GNG8: variants seen among roughly 807,000 people sequenced by gnomAD.
GNG8 encodes guanine nucleotide-binding protein G(I)/G(S)/G(O) subunit gamma-8.
Under a neutral mutation model 4.6 loss-of-function variants are expected in GNG8, and 3 were observed. That is an observed-to-expected ratio of 0.65 (90% CI 0.29 to 1.67). The LOEUF is 1.67. Ranked by LOEUF, GNG8 falls within the 40% of genes most tolerant of loss-of-function variation. GNG8 has a pLI of 0.10. For missense variants in GNG8, 88 were observed against 95.2 expected, an observed-to-expected ratio of 0.92 and a Z score of 0.32; for synonymous variants, 32 against 40.5, an observed-to-expected ratio of 0.79 and a Z score of 0.80.
chr19:46,637,394 TCA>T (rs2052875729), upstream of GNG8: 1 of 152,544 alleles, frequency 6.6e-6, no homozygotes, highest in African/African-American at 2.4e-5. Flanking sequence ...GCTCAGTGTC[TCA>T]CAGAGTCCCA....
upstream of GNG8, chr19:46,638,706 G>T (rs1221687272): frequency 6.6e-6 from 1 of 152,638 alleles, no homozygotes. This position sits in a 1 kb window ranked among gnomAD's most constrained non-coding sequence, Gnocchi z 4.7. Context: ...GCGCTCACAC[G>T]CAGCGTCTGC....
At position 46,634,262 on chromosome 19, in the gene GNG8, T is replaced by G; in HGVS notation, c.85-58A>C. On this transcript the variant is annotated intron_variant, in intron 2 of 2. Coordinates refer to ENST00000693335, the MANE Select transcript of GNG8 (RefSeq NM_033258.2). ...TGCCCGGCTCCTTGGAGCCGCCCAC[T>G]TAGGCCCCGCCTCTTGCCCTGTCCC... 7 of 1,539,950 alleles carry G rather than the reference T, an allele frequency of 4.5e-6. No homozygotes were observed. The South Asian group carries it at 7.3e-5, about 16-fold the overall frequency.
At chr19:46,634,512 G>A (rs1267712781) in intron 2 of GNG8, 87 bp downstream of exon 2, 7 of 1,230,110 alleles carry the variant, frequency 5.7e-6, no homozygotes, top group Non-Finnish European at 8.1e-6. Context: ...GGGCATCCTT[G>A]CACTATGGCT....
chr19:46,634,231 C>T (rs751145869), intron 2 of GNG8, 27 bp from the exon 3 acceptor site: 1 of 1,591,508 alleles, frequency 6.3e-7, no homozygotes, highest in Non-Finnish European at 8.6e-7. Context: ...GGAGATGTCA[C>T]CGCCCTGCCC....
chr19:46,638,070 C>T (rs2122403024), upstream of GNG8: 1 of 153,184 alleles, frequency 6.5e-6, no homozygotes. This position sits in a 1 kb window ranked among gnomAD's most constrained non-coding sequence, Gnocchi z 4.7. Flanking sequence ...GTGTGACACA[C>T]ACAGCACCGT....
chr19:46,636,884 T>G (rs1239851688), upstream of GNG8: 1 of 149,842 alleles, frequency 6.7e-6, no homozygotes, highest in Non-Finnish European at 1.5e-5. Flanking sequence ...CTCCGCCTCC[T>G]GGGTTCAAGC....
Position 46,634,658 on chromosome 19 carries a change from C to T in GNG8, c.25G>A (p.Ala9Thr), listed in dbSNP as rs2052852650. 6.2e-7 allele frequency: 1 copy of T among 1,612,912 alleles called. No individual in the cohort carries two copies. Among genetic ancestry groups the T allele is most frequent in the African/African-American group, 1.3e-5 (1 of 74,804 alleles). ...TGTTCCACCGTCTTGCGGGCCTCGGCAATCTTGGCCATGTTGTTGGACATG... is the reference window on the plus strand; with the variant it reads ...TGTTCCACCGTCTTGCGGGCCTCGGTAATCTTGGCCATGTTGTTGGACATG... Reference protein sequence around the residue: MSNNMAKIAEARKTVEQLK... With the variant: MSNNMAKITEARKTVEQLK... Residue 9 changes from alanine to threonine, a missense_variant, in exon 2 of 3, where the codon GCC becomes ACC. Ala to Thr is a moderately conservative substitution (Grantham distance 58). Transcript: ENST00000693335.
upstream of GNG8, chr19:46,638,053 T>C (rs2052879690): frequency 6.5e-6 from 1 of 152,954 alleles, no homozygotes; most frequent in Non-Finnish European, 1.5e-5. The surrounding 1 kb of genome is among the most constrained non-coding windows in gnomAD (Gnocchi z 4.7). Context: ...TCACACAGAA[T>C]CTACTTGTGT....
At chr19:46,634,307 C>A in intron 2 of GNG8, 103 bp from the exon 3 acceptor site, 2 of 1,351,496 alleles carry the variant, frequency 1.5e-6, no homozygotes, top group Non-Finnish European at 2.0e-6. Flanking sequence ...CCTTGCCCCG[C>A]CCCATACAGG....
chr19:46,638,047 A>T (rs1391012606), upstream of GNG8: 1 of 152,824 alleles, frequency 6.5e-6, no homozygotes, highest in Non-Finnish European at 1.5e-5. The surrounding 1 kb of genome is among the most constrained non-coding windows in gnomAD (Gnocchi z 4.7). Context: ...TCTCTCTCAC[A>T]CAGAATCTAC....
intron 1 of GNG8, among the ~76,000 whole-genome samples, chr19:46,635,829 C>A (rs1324493478): frequency 3.4e-5 from 2 of 59,058 alleles, no homozygotes; most frequent in Admixed American, 2.6e-4. Context: ...GAGGGAGGGA[C>A]GAAGGAGAGA....
intron 2 of GNG8, 107 bp downstream of exon 2, chr19:46,634,492 C>A (rs1408886113): frequency 1.8e-6 from 2 of 1,086,336 alleles, no homozygotes; most frequent in Non-Finnish European, 2.7e-6. Context: ...TTGCCCAGCC[C>A]TGTTCCCAGG....
At chr19:46,635,916 T>C (rs2052865594) in intron 1 of GNG8, among the ~76,000 whole-genome samples, 1 of 134,528 alleles carries the variant, frequency 7.4e-6, no homozygotes, top group African/African-American at 2.8e-5. Flanking sequence ...GACGGGGAGA[T>C]AGAGGGACAG....
In GNG8 at chr19:46,634,136, C is replaced by A; in HGVS notation, c.153G>T (p.Thr51=). 1 of 1,613,720 alleles carries A rather than the reference C, an allele frequency of 6.2e-7. No homozygotes were observed. Among genetic ancestry groups the A allele is most frequent in the Non-Finnish European group, 8.5e-7 (1 of 1,179,968 alleles). ...AGGGGTTCTCCGCGGCGGGTACTGG[C>A]GTCACCAGCGGGTCATCTTTGGCAT... ...ETHAKDDPLV[T]PVPAAENPFR... The change falls in exon 3 of 3, where the codon ACG becomes ACT. Residue 51 remains threonine (T), a synonymous_variant. Transcript: ENST00000693335.
rs370952484 is a variant in GNG8 at position 46,634,035 on chromosome 19, G to A, written c.*41C>T. ...ACCACCACAGTTACCAAGTTTATTGGATCCATACTTTGGCAGGGGAGGGTA... is the reference window on the plus strand; with the variant it reads ...ACCACCACAGTTACCAAGTTTATTGAATCCATACTTTGGCAGGGGAGGGTA... On this transcript the variant is annotated 3_prime_UTR_variant, in exon 3 of 3. Coordinates refer to ENST00000693335, the MANE Select transcript of GNG8 (RefSeq NM_033258.2). The A allele has an allele frequency of 2.5e-6, 4 of 1,585,856 alleles. No homozygotes were observed. The African/African-American group carries it at 5.4e-5, about 21-fold the overall frequency.
intron 2 of GNG8, 105 bp from the exon 3 acceptor site, chr19:46,634,309 C>T: frequency 7.6e-7 from 1 of 1,324,390 alleles, no homozygotes; most frequent in Non-Finnish European, 1.0e-6. Context: ...TTGCCCCGCC[C>T]CATACAGGCC....
At position 46,634,217 on chromosome 19, in the gene GNG8, G is replaced by A. The variant is rs1439631087; in HGVS notation, c.85-13C>T. On this transcript the variant is annotated splice_polypyrimidine_tract_variant and intron_variant, in intron 2 of 2. Transcript: ENST00000693335. ...CTGCCTGCGACACCTGCGAGCACCC[G>A]GGTGGAGATGTCACCGCCCTGCCCG... is the stretch of plus-strand genomic sequence containing the variant. 5 of 1,596,586 alleles carry A rather than the reference G, an allele frequency of 3.1e-6. No individual in the cohort carries two copies. Among genetic ancestry groups the A allele is most frequent in the Non-Finnish European group, 3.4e-6 (4 of 1,171,978 alleles).
chr19:46,635,368 A>ACT (rs2052859349), intron 1 of GNG8, among the ~76,000 whole-genome samples: 1 of 149,248 alleles, frequency 6.7e-6, no homozygotes, highest in Non-Finnish European at 1.5e-5. Flanking sequence ...AGAAATGAAG[A>ACT]GACGGGGAGG....
Position 46,634,697 on chromosome 19 carries a change from AG to A in GNG8, c.-16del, listed in dbSNP as rs747094977. Reference sequence around the variant, plus strand: ...TTGTTGGACATGGTTGCGGCGGGGAAGGGGTTAAAAGACGCGCGGGAGTGGG... The same window carrying A: ...TTGTTGGACATGGTTGCGGCGGGGAAGGGTTAAAAGACGCGCGGGAGTGGG... On this transcript the variant is annotated 5_prime_UTR_variant, in exon 2 of 3. Transcript: ENST00000693335. 5.2e-5 allele frequency: 84 copies of A among 1,609,356 alleles called. 1 individual carries two copies. Among genetic ancestry groups the A allele is most frequent in the Non-Finnish European group, 6.5e-5 (77 of 1,177,774 alleles).
Sources: gnomAD v4.1 joint callset for allele counts (sites outside exome capture counted in the v4.1 genomes callset) on GRCh38, gnomAD v4.1.1 for gene constraint, Gnocchi (gnomAD v3.1) non-coding constraint, MANE v1.5 for transcripts, NCBI Gene and HGNC (gene_info 2026-07-23, HGNC 2026-07-21) for gene names.